Variants in PRKCB observed in about 807,000 individuals in gnomAD.
The protein encoded by PRKCB is protein kinase C beta type.
A neutral mutation model predicts 81.5 loss-of-function variants in PRKCB; 13 were observed. That is an observed-to-expected ratio of 0.16 (90% CI 0.10 to 0.25). The LOEUF (loss-of-function observed/expected upper bound fraction) is 0.25, where lower values mean the gene tolerates loss of function less well. Ranked by LOEUF, PRKCB falls within the 10% of genes least tolerant of loss-of-function variation. The pLI is 1.00. For synonymous variants in PRKCB, 335 were observed against 321.4 expected (o/e 1.04, Z -0.45); for missense variants, 509 against 875.7 (o/e 0.58, Z 5.29).
chr16:24,218,907 T>C lies in PRKCB; in HGVS notation c.*4091T>C. 1.0e-6 allele frequency: 1 copy of C among 985,412 alleles called. No individual in the cohort carries two copies. Among genetic ancestry groups the C allele is most frequent in the Non-Finnish European group, 1.2e-6 (1 of 829,968 alleles). 61.0% of individuals were successfully genotyped at this position (985,412 alleles called of 1,614,324 possible). The stretch of plus-strand genomic sequence containing the variant: ...TGATGAGGCCTACATAGCAGCGATG[T>C]GGTCAGGTAAAAATCAGGAACCCAC... On this transcript the variant is annotated 3_prime_UTR_variant, in exon 17 of 17. Coordinates refer to ENST00000643927, the MANE Select transcript of PRKCB (RefSeq NM_002738.7).
At chr16:23,846,864 G>A (rs1434262451) in intron 2 of PRKCB, among the ~76,000 whole-genome samples, 1 of 151,994 alleles carries the variant, frequency 6.6e-6, no homozygotes, top group Non-Finnish European at 1.5e-5. Context: ...TAGAGATGTC[G>A]CTTTTATTCA....
At position 24,049,047 on chromosome 16, in the gene PRKCB, G is replaced by GTTTTT. The variant is rs1160842975; in HGVS notation, c.529+13526_529+13530dup. Among the ~76,000 whole-genome samples, 447 of 49,718 alleles carry GTTTTT rather than the reference G, an allele frequency of 9.0e-3. 80 individuals are homozygous for GTTTTT. Among genetic ancestry groups the GTTTTT allele is most frequent in the African/African-American group, 0.019 (242 of 12,436 alleles). 32.6% of individuals were successfully genotyped at this position (49,718 alleles called of 152,430 possible). ...TGATAACATTTCTTCAAATTGGCCTGTTTTTTTTTTTTTTTTTTTTTTTTT... is the reference window on the plus strand; with the variant it reads ...TGATAACATTTCTTCAAATTGGCCTGTTTTTTTTTTTTTTTTTTTTTTTTTTTTTT... On this transcript the variant is annotated intron_variant, in intron 5 of 16. Transcript: ENST00000643927.
rs548545236 is a variant in PRKCB at position 24,204,298 on chromosome 16, C to T, written c.1864-10360C>T. 4.6e-5 allele frequency among the ~76,000 whole-genome samples: 7 copies of T among 152,066 alleles called. No homozygotes were observed. In the East Asian group the frequency reaches 7.8e-4, roughly 17 times the overall value. On this transcript the variant is annotated intron_variant, in intron 16 of 16. Coordinates refer to ENST00000643927, the MANE Select transcript of PRKCB (RefSeq NM_002738.7). ...CCCAGGTTAGCTTAACTTTTAAGTC[C>T]GTGCCACACAATCAGATACATAGTA... is the stretch of plus-strand genomic sequence containing the variant.
chr16:24,044,950 G>C (rs556581627), intron 5 of PRKCB, among the ~76,000 whole-genome samples: 3 of 152,278 alleles, frequency 2.0e-5, no homozygotes, highest in Admixed American at 6.5e-5. Context: ...TATAACCTGT[G>C]TGTGAAGAAA....
intron 12 of PRKCB, among the ~76,000 whole-genome samples, chr16:24,175,793 G>A (rs1967520465): frequency 6.6e-6 from 1 of 151,732 alleles, no homozygotes; most frequent in Admixed American, 6.6e-5. Context: ...GCAACATAGT[G>A]AGGCCCACAT....
At chr16:23,935,320 C>G (rs1964043184) in intron 2 of PRKCB, among the ~76,000 whole-genome samples, 1 of 152,194 alleles carries the variant, frequency 6.6e-6, no homozygotes. Flanking sequence ...GGGAAATAAT[C>G]TGTACTTTCT....
intron 3 of PRKCB, among the ~76,000 whole-genome samples, chr16:24,021,074 T>TTC (rs1965372897): frequency 1.1e-3 from 64 of 58,244 alleles, no homozygotes; most frequent in Admixed American, 2.3e-3. Flanking sequence ...CTCCCTCCCT[T>TTC]CTTTCTTTCT....
Position 23,937,381 on chromosome 16 carries a change from T to G in PRKCB, c.206-51127T>G, listed in dbSNP as rs574141387. Among the ~76,000 whole-genome samples, 4 of 152,326 alleles carry G rather than the reference T, an allele frequency of 2.6e-5. No individual in the cohort carries two copies. In the South Asian group the frequency reaches 6.2e-4, roughly 24 times the overall value. ...ACACTGGTTTACTCGGGACAAAGTC[T>G]GCGACTGCCATGAACATTGCAAGCT... is the stretch of plus-strand genomic sequence containing the variant. On this transcript the variant is annotated intron_variant, in intron 2 of 16. Coordinates refer to ENST00000643927, the MANE Select transcript of PRKCB (RefSeq NM_002738.7).
intron 3 of PRKCB, among the ~76,000 whole-genome samples, chr16:24,017,368 T>C (rs1212856010): frequency 6.6e-6 from 1 of 152,190 alleles, no homozygotes; most frequent in Non-Finnish European, 1.5e-5. Context: ...AGGGAAATGA[T>C]GATTTCAATG....
intron 3 of PRKCB, among the ~76,000 whole-genome samples, chr16:24,017,104 T>C (rs891702937): frequency 2.6e-5 from 4 of 152,042 alleles, no homozygotes; most frequent in Admixed American, 1.3e-4. Context: ...GAGGGGCCAG[T>C]GGGTATAAAG....
chr16:23,934,251 A>G (rs1964026565), intron 2 of PRKCB, among the ~76,000 whole-genome samples: 1 of 151,760 alleles, frequency 6.6e-6, no homozygotes, highest in South Asian at 2.1e-4. Context: ...CTCTAGGGAC[A>G]CTTTGCCTTC....
At chr16:23,837,221 C>A in intron 1 of PRKCB, 154 bp from the exon 2 acceptor site, 2 of 888,804 alleles carry the variant, frequency 2.3e-6, no homozygotes, top group Non-Finnish European at 3.8e-6. Flanking sequence ...CCACCTACCC[C>A]CACAAAGGCG....
chr16:23,986,081 T>G (rs1964799543), intron 2 of PRKCB, among the ~76,000 whole-genome samples: 1 of 152,102 alleles, frequency 6.6e-6, no homozygotes, highest in African/African-American at 2.4e-5. Flanking sequence ...ATCAAAGAGT[T>G]TAAAGTGGAA....
intron 2 of PRKCB, among the ~76,000 whole-genome samples, chr16:23,851,020 T>A (rs1222758264): frequency 6.6e-6 from 1 of 152,240 alleles, no homozygotes; most frequent in Non-Finnish European, 1.5e-5. Context: ...TATTAACTTC[T>A]TATCAGATAC....
At chr16:24,042,038 A>G (rs1965704294) in intron 5 of PRKCB, among the ~76,000 whole-genome samples, 1 of 152,120 alleles carries the variant, frequency 6.6e-6, no homozygotes. Flanking sequence ...AACAAGAAAA[A>G]AAAATCCAGA....
chr16:24,035,671 G>A (rs1199962203), intron 5 of PRKCB, 124 bp downstream of exon 5: 2 of 1,079,316 alleles, frequency 1.9e-6, no homozygotes, highest in African/African-American at 1.6e-5. Flanking sequence ...ACGGGGAGGG[G>A]GTGTGGCACT....
At chr16:23,839,492 C>G (rs887764723) in intron 2 of PRKCB, among the ~76,000 whole-genome samples, 11 of 152,102 alleles carry the variant, frequency 7.2e-5, no homozygotes, top group African/African-American at 2.7e-4. Context: ...CAAGACTGGT[C>G]TTGAACTCCT....
chr16:23,971,319 G>A (rs957548814), intron 2 of PRKCB, among the ~76,000 whole-genome samples: 1 of 152,146 alleles, frequency 6.6e-6, no homozygotes, highest in Admixed American at 6.5e-5. Context: ...ATTGGGGTTT[G>A]GTTTACAAGT....
intron 2 of PRKCB, among the ~76,000 whole-genome samples, chr16:23,965,444 C>G (rs1964475203): frequency 6.6e-6 from 1 of 152,212 alleles, no homozygotes; most frequent in Non-Finnish European, 1.5e-5. Flanking sequence ...ATCACTTACT[C>G]TTGAATCTGG....
Sources: gnomAD v4.1 joint callset for allele counts (sites outside exome capture counted in the v4.1 genomes callset) on GRCh38, gnomAD v4.1.1 for gene constraint, MANE v1.5 for transcripts, NCBI Gene and HGNC (gene_info 2026-07-23, HGNC 2026-07-21) for gene names.